The following SUCLA2 variants were observed in gnomAD, a reference collection of about 807,000 sequenced individuals.
SUCLA2 encodes succinate-CoA ligase ADP-forming subunit beta.
Under a neutral mutation model 54.8 loss-of-function variants are expected in SUCLA2, and 30 were observed. The observed-to-expected ratio is 0.55, with a 90% CI of 0.41 to 0.74. SUCLA2 has a LOEUF of 0.74. SUCLA2 is among the 30% of genes least tolerant of loss of function. The probability of loss-of-function intolerance (pLI) is 0.00; values close to 1 mark genes in which losing one functional copy is unlikely to be tolerated. For missense variants in SUCLA2, 476 were observed against 562.9 expected, an observed-to-expected ratio of 0.85 and a Z score of 1.56; for synonymous variants, 172 against 188.9, an observed-to-expected ratio of 0.91 and a Z score of 0.74.
At chr13:47,961,472 CT>C (rs1432648853) in intron 6 of SUCLA2, among the ~76,000 whole-genome samples, 4 of 152,082 alleles carry the variant, frequency 2.6e-5, no homozygotes, top group Non-Finnish European at 4.4e-5. Context: ...ATTTGGCAAA[CT>C]TTCTATAAGC....
At chr13:47,969,375 C>G (rs1682307709) in intron 5 of SUCLA2, among the ~76,000 whole-genome samples, 1 of 152,184 alleles carries the variant, frequency 6.6e-6, no homozygotes. Context: ...AAAAATCTAC[C>G]AAGCACCTAT....
intron 1 of SUCLA2, 125 bp downstream of exon 1, chr13:48,001,055 G>A (rs1326162760): frequency 6.6e-7 from 1 of 1,516,124 alleles, no homozygotes; most frequent in Non-Finnish European, 8.9e-7. Context: ...TCGCCCGAGG[G>A]CCTTGCAGGG....
intron 5 of SUCLA2, chr13:47,971,607 C>G (rs559837045): frequency 1.9e-3 from 80 of 41,132 alleles, no homozygotes; most frequent in African/African-American, 6.1e-3. Context: ...TAGAGAAAAC[C>G]AGTAAAACTG....
At chr13:47,992,069 C>G (rs1459379162) in intron 2 of SUCLA2, among the ~76,000 whole-genome samples, 1 of 152,152 alleles carries the variant, frequency 6.6e-6, no homozygotes, top group African/African-American at 2.4e-5. Flanking sequence ...GATTTTCCAG[C>G]ACTTTAAATA....
At chr13:47,957,170 T>C (rs1949828049) in intron 6 of SUCLA2, among the ~76,000 whole-genome samples, 1 of 152,172 alleles carries the variant, frequency 6.6e-6, no homozygotes, top group South Asian at 2.1e-4. Context: ...CCTATTTTCT[T>C]ACACATTGTT....
chr13:47,943,425 T>C lies in SUCLA2; in HGVS notation c.1338A>G (p.Ile446Met), dbSNP rs1185219939. 6.2e-7 allele frequency: 1 copy of C among 1,613,796 alleles called. No individual in the cohort carries two copies. The highest frequency in any genetic ancestry group is 1.7e-5 in the Admixed American group (1 of 60,000). Residue 446 changes from isoleucine (I) to methionine (M), a missense_variant, in exon 11 of 11, where the codon ATA becomes ATG. This residue lies in a region of SUCLA2 where 342 missense variants were observed against 444.2 expected (regional missense o/e 0.77). Coordinates refer to ENST00000646932, the MANE Select transcript of SUCLA2 (RefSeq NM_003850.3). ...CATGTGCTTGCTTCGCTAAGGTCACTATTTCAGAGAGCTTTACAACCTAAA... is the reference window on the plus strand; with the variant it reads ...CATGTGCTTGCTTCGCTAAGGTCACCATTTCAGAGAGCTTTACAACCTAAA... ...AARMVVKLSEIVTLAKQAHVD... is the reference protein window; with the variant it reads ...AARMVVKLSEMVTLAKQAHVD...
At position 47,949,612 on chromosome 13, in the gene SUCLA2, A is replaced by G. The variant is rs368590927; in HGVS notation, c.1108-9T>C. On this transcript the variant is annotated splice_polypyrimidine_tract_variant and intron_variant, in intron 8 of 10. Transcript: ENST00000646932. Reference sequence around the variant, plus strand: ...ACCAGAATAGCCAGTACCTATGAATAAAGTGTTCTGATAGATTAAAATTTA... The same window carrying G: ...ACCAGAATAGCCAGTACCTATGAATGAAGTGTTCTGATAGATTAAAATTTA... 5.8e-5 allele frequency: 93 copies of G among 1,613,042 alleles called. No homozygotes were observed. Among genetic ancestry groups the G allele is most frequent in the Non-Finnish European group, 7.8e-5 (92 of 1,179,224 alleles).
At chr13:47,982,045 TC>T (rs1360136094) in intron 4 of SUCLA2, among the ~76,000 whole-genome samples, 1 of 152,068 alleles carries the variant, frequency 6.6e-6, no homozygotes, top group Non-Finnish European at 1.5e-5. Flanking sequence ...TAGAAGCTTC[TC>T]AAAAAAATTA....
At chr13:47,988,331 C>T in intron 4 of SUCLA2, 1 of 552,042 alleles carries the variant, frequency 1.8e-6, no homozygotes, top group Non-Finnish European at 3.1e-6. Context: ...AGAATTTTTC[C>T]TATAATTTTA....
intron 2 of SUCLA2, among the ~76,000 whole-genome samples, chr13:47,989,757 C>T (rs1475566241): frequency 1.3e-5 from 2 of 152,042 alleles, no homozygotes; most frequent in Non-Finnish European, 2.9e-5. Flanking sequence ...GGGGATATTA[C>T]CATTACCAGT....
intron 5 of SUCLA2, among the ~76,000 whole-genome samples, chr13:47,970,756 A>G (rs1024809162): frequency 1.3e-5 from 2 of 152,184 alleles, no homozygotes; most frequent in African/African-American, 4.8e-5. Flanking sequence ...GCTACCTGGG[A>G]AGCTGAGGCA....
chr13:47,954,585 C>G, intron 6 of SUCLA2, 28 bp from the exon 7 acceptor site: 1 of 1,610,804 alleles, frequency 6.2e-7, no homozygotes, highest in Non-Finnish European at 8.5e-7. Flanking sequence ...GAAAAATGAC[C>G]TTAATTTCAA....
chr13:47,980,775 A>C (rs554729388), intron 4 of SUCLA2, among the ~76,000 whole-genome samples: 10 of 152,310 alleles, frequency 6.6e-5, no homozygotes, highest in African/African-American at 2.2e-4. Flanking sequence ...CAGAAAACCC[A>C]GAAATAATCC....
chr13:47,999,901 T>C (rs187765535), intron 1 of SUCLA2, among the ~76,000 whole-genome samples: 1,594 of 152,092 alleles, frequency 0.01, 19 homozygotes, highest in Non-Finnish European at 0.013. Flanking sequence ...GAAAATAATA[T>C]TGGAAATTTC....
At chr13:47,983,443 AC>A (rs1950074500) in intron 4 of SUCLA2, among the ~76,000 whole-genome samples, 1 of 152,106 alleles carries the variant, frequency 6.6e-6, no homozygotes, top group Admixed American at 6.5e-5. Context: ...GTACAGACCA[AC>A]AAATCTTTAA....
intron 4 of SUCLA2, among the ~76,000 whole-genome samples, chr13:47,976,938 C>G (rs753662871): frequency 1.1e-4 from 17 of 150,780 alleles, no homozygotes; most frequent in Admixed American, 3.3e-4. Context: ...ATAACTAAAC[C>G]CAAAGTTGGC....
At chr13:47,980,583 A>C (rs1950053114) in intron 4 of SUCLA2, among the ~76,000 whole-genome samples, 1 of 152,070 alleles carries the variant, frequency 6.6e-6, no homozygotes. Context: ...TTTTTATAAA[A>C]ATAGAAAAAT....
At chr13:47,987,511 T>C (rs1232246009) in intron 4 of SUCLA2, 1 of 152,098 alleles carries the variant, frequency 6.6e-6, no homozygotes, top group Non-Finnish European at 1.5e-5. Flanking sequence ...TTCTATCACA[T>C]AGAATATCAC....
rs1949799880 is a variant in SUCLA2, at chr13:47,954,216, T to C, written c.1031A>G (p.Asn344Ser). The C allele has an allele frequency of 2.5e-6, 4 of 1,613,930 alleles. No homozygotes were observed. Among genetic ancestry groups the C allele is most frequent in the Non-Finnish European group, 3.4e-6 (4 of 1,179,874 alleles). ...IIKLHGGTPA[N>S]FLDVGGGATV... The stretch of plus-strand genomic sequence containing the variant: ...AGCACCACCACCAACATCAAGGAAG[T>C]TGGCTGGAGTCCCTCCATGAAGTTT... The change falls in exon 8 of 11, where the codon AAC becomes AGC. Residue 344 changes from asparagine to serine, a missense_variant. By Grantham distance (46) the Asn-to-Ser change is conservative. This residue lies in a region of SUCLA2 where 342 missense variants were observed against 444.2 expected (regional missense o/e 0.77). Coordinates refer to ENST00000646932, the MANE Select transcript of SUCLA2 (RefSeq NM_003850.3).
Sources: gnomAD v4.1 joint callset for allele counts (sites outside exome capture counted in the v4.1 genomes callset) on GRCh38, gnomAD v4.1.1 for gene constraint, gnomAD v4.1.1 regional missense constraint, MANE v1.5 for transcripts, NCBI Gene and HGNC (gene_info 2026-07-23, HGNC 2026-07-21) for gene names.